The following DLGAP4 variants were observed in gnomAD, a reference collection of about 807,000 sequenced individuals.
DLGAP4 encodes DLG associated protein 4.
In DLGAP4, 18 loss-of-function variants were observed where a neutral mutation model predicts 86.9. That is an observed-to-expected ratio of 0.21 (90% confidence interval 0.14 to 0.31). DLGAP4 has a LOEUF of 0.31. Among genes scored for constraint, DLGAP4 ranks in the 10% least tolerant of loss-of-function variants. The probability of loss-of-function intolerance (pLI) is 1.00; values close to 1 mark genes in which losing one functional copy is unlikely to be tolerated. For missense variants in DLGAP4, 1,085 were observed against 1,362.6 expected, an observed-to-expected ratio of 0.80 and a Z score of 3.21; for synonymous variants, 548 against 574.3, an observed-to-expected ratio of 0.95 and a Z score of 0.65.
intron 1 of DLGAP4, among the ~76,000 whole-genome samples, chr20:36,337,890 T>C (rs6024225): frequency 0.048 from 7,304 of 152,264 alleles, 582 homozygotes; most frequent in African/African-American, 0.17. Flanking sequence ...TGCCTCCCCA[T>C]CCCTGCCTAC....
intron 7 of DLGAP4, among the ~76,000 whole-genome samples, chr20:36,493,432 G>T (rs2035751849): frequency 6.6e-6 from 1 of 152,244 alleles, no homozygotes. Flanking sequence ...TGTGAATGCA[G>T]TATGCTGTGA....
chr20:36,509,207 G>C (rs1265966636), intron 10 of DLGAP4, among the ~76,000 whole-genome samples: 1 of 152,134 alleles, frequency 6.6e-6, no homozygotes, highest in Admixed American at 6.6e-5. Context: ...AAGATTGCTT[G>C]AGTTCAGGAG....
intron 1 of DLGAP4, among the ~76,000 whole-genome samples, chr20:36,320,469 G>T (rs549677266): frequency 1.3e-5 from 2 of 152,204 alleles, no homozygotes; most frequent in African/African-American, 4.8e-5. Context: ...GCCAGGGCAG[G>T]TGGCAGTGGG....
intron 2 of DLGAP4, among the ~76,000 whole-genome samples, chr20:36,398,036 G>A (rs1019060547): frequency 2.6e-5 from 4 of 152,212 alleles, no homozygotes; most frequent in African/African-American, 9.7e-5. Flanking sequence ...CAAGAGAATC[G>A]CTTGAACCTG....
At chr20:36,362,549 A>G (rs2030554831) in intron 1 of DLGAP4, among the ~76,000 whole-genome samples, 1 of 152,238 alleles carries the variant, frequency 6.6e-6, no homozygotes, top group African/African-American at 2.4e-5. Context: ...CATCTGCGAC[A>G]AGGAAGGAGG....
chr20:36,332,021 T>G (rs1254532650), intron 1 of DLGAP4, among the ~76,000 whole-genome samples: 1 of 149,894 alleles, frequency 6.7e-6, no homozygotes, highest in Non-Finnish European at 1.5e-5. Context: ...GGACAGGGGG[T>G]GCGTCTAGCC....
chr20:36,493,443 C>G (rs756522899), intron 7 of DLGAP4, among the ~76,000 whole-genome samples: 1 of 152,194 alleles, frequency 6.6e-6, no homozygotes, highest in Non-Finnish European at 1.5e-5. Context: ...TATGCTGTGA[C>G]CCAGTGAGAA....
At chr20:36,382,384 A>AG (rs2031426254) in intron 2 of DLGAP4, among the ~76,000 whole-genome samples, 1 of 98,814 alleles carries the variant, frequency 1.0e-5, no homozygotes, top group East Asian at 3.2e-4. Flanking sequence ...GGCCTTTTTT[A>AG]GGGGGTGGGG....
intron 7 of DLGAP4, among the ~76,000 whole-genome samples, chr20:36,451,766 AT>A (rs544609389): frequency 0.022 from 2,829 of 130,568 alleles, 33 homozygotes; most frequent in African/African-American, 0.051. Flanking sequence ...CTGAGGCTGT[AT>A]TTTTTTTTTT....
rs1455826545 is a variant in DLGAP4 at position 36,436,317 on chromosome 20, AGCAGTC to A, written c.1211_1216del (p.Gln404_Ser405del). On this transcript the variant is annotated inframe_deletion, in exon 4 of 13. Coordinates refer to ENST00000339266, the MANE Select transcript of DLGAP4 (RefSeq NM_001365621.2). ...CGCCAGAGCTATCTGAGGGCCACGC[AGCAGTC>A]GCTGGGAGAGCAGAGCAACCCCCGC... is the stretch of plus-strand genomic sequence containing the variant. The A allele has an allele frequency of 3.1e-6, 5 of 1,602,924 alleles. No individual in the cohort carries two copies. Among genetic ancestry groups the A allele is most frequent in the Non-Finnish European group, 4.2e-6 (5 of 1,178,512 alleles).
chr20:36,513,524 C>A (rs1442812323), intron 10 of DLGAP4, among the ~76,000 whole-genome samples: 1 of 138,842 alleles, frequency 7.2e-6, no homozygotes, highest in African/African-American at 2.8e-5. Flanking sequence ...GTCCGCAATC[C>A]GGCCTGGGCG....
intron 1 of DLGAP4, among the ~76,000 whole-genome samples, chr20:36,318,100 G>T (rs1295748567): frequency 1.5e-5 from 2 of 130,264 alleles, no homozygotes; most frequent in African/African-American, 6.0e-5. Context: ...TAATAAATGT[G>T]TCCTCTCACA....
intron 1 of DLGAP4, among the ~76,000 whole-genome samples, chr20:36,314,303 G>A (rs1417087493): frequency 6.8e-6 from 1 of 147,874 alleles, no homozygotes; most frequent in African/African-American, 2.5e-5. Context: ...GGCTGGCCTC[G>A]GGGTCCTTCC....
intron 7 of DLGAP4, among the ~76,000 whole-genome samples, chr20:36,476,687 A>ATTTTTTTTTTTTTTTTTTGTTTTTTTTTT (rs74173983): frequency 2.2e-5 from 2 of 91,558 alleles, no homozygotes; most frequent in Non-Finnish European, 3.7e-5. Context: ...CACTAGCCCA[A>ATTTTTTTTTTTTTTTTTTGTTTTTTTTTT]TTTTTTTTTT....
intron 2 of DLGAP4, among the ~76,000 whole-genome samples, chr20:36,391,719 C>G (rs1208534469): frequency 6.6e-6 from 1 of 152,204 alleles, no homozygotes; most frequent in African/African-American, 2.4e-5. Context: ...CTTCACCCCC[C>G]AGTCTATAGT....
chr20:36,438,901 G>C (rs1181446486), intron 4 of DLGAP4, among the ~76,000 whole-genome samples: 1 of 151,950 alleles, frequency 6.6e-6, no homozygotes, highest in African/African-American at 2.4e-5. Context: ...TTACAGGCGT[G>C]AGCCACCGCA....
intron 1 of DLGAP4, among the ~76,000 whole-genome samples, chr20:36,317,269 TTC>T (rs2065113786): frequency 3.2e-5 from 1 of 30,996 alleles, no homozygotes; most frequent in Non-Finnish European, 5.3e-5. Flanking sequence ...CTTTCTTTCT[TTC>T]TTTCTTATCT....
At chr20:36,525,793 G>T (rs145598849) in intron 11 of DLGAP4, 58 bp from the exon 12 acceptor site, 17 of 1,598,260 alleles carry the variant, frequency 1.1e-5, no homozygotes, top group Middle Eastern at 1.9e-4. Flanking sequence ...TGGGGGGTTG[G>T]GGGGAGCAGG....
chr20:36,324,251 A>G (rs1385623622), intron 1 of DLGAP4, among the ~76,000 whole-genome samples: 1 of 151,824 alleles, frequency 6.6e-6, no homozygotes, highest in Non-Finnish European at 1.5e-5. Context: ...ACATGGTAAA[A>G]CCTCACCTCT....
Sources: gnomAD v4.1 joint callset for allele counts (sites outside exome capture counted in the v4.1 genomes callset) on GRCh38, gnomAD v4.1.1 for gene constraint, MANE v1.5 for transcripts, NCBI Gene and HGNC (gene_info 2026-07-23, HGNC 2026-07-21) for gene names.